The following LRRC7 variants were observed in gnomAD, a reference collection of about 807,000 sequenced individuals.
LRRC7 encodes the protein leucine rich repeat containing 7, also known as leucine-rich repeat-containing protein 7.
A neutral mutation model predicts 175.7 loss-of-function variants in LRRC7; 23 were observed. The observed-to-expected ratio is 0.13, with a 90% confidence interval of 0.09 to 0.19. The LOEUF (loss-of-function observed/expected upper bound fraction) is 0.19. Among genes scored for constraint, LRRC7 ranks in the 10% least tolerant of loss-of-function variants. LRRC7 has a pLI of 1.00. For synonymous variants in LRRC7, 685 were observed against 680.9 expected, an observed-to-expected ratio of 1.01 and a Z score of -0.09; for missense variants, 1,354 against 1,904.7, an observed-to-expected ratio of 0.71 and a Z score of 5.38.
chr1:70,120,218 T>C (rs966558954), intron 26 of LRRC7, among the ~76,000 whole-genome samples: 2 of 152,130 alleles, frequency 1.3e-5, no homozygotes, highest in Admixed American at 6.5e-5. Context: ...CCCAAACTTC[T>C]ACTCAACTAC....
chr1:70,103,086 A>T (rs1354095341), intron 25 of LRRC7, among the ~76,000 whole-genome samples: 4 of 151,992 alleles, frequency 2.6e-5, no homozygotes, highest in Non-Finnish European at 5.9e-5. Context: ...AAAATTAGCC[A>T]GGTGTGGTAG....
intron 26 of LRRC7, among the ~76,000 whole-genome samples, chr1:70,109,011 G>GTTTTGT (rs200462801): frequency 3.5e-4 from 51 of 147,726 alleles, no homozygotes; most frequent in Admixed American, 2.4e-3. Flanking sequence ...TGTTGTTGTT[G>GTTTTGT]TTTTGTTTTT....
intron 25 of LRRC7, among the ~76,000 whole-genome samples, chr1:70,098,890 G>C (rs1251777383): frequency 1.3e-3 from 205 of 152,100 alleles, no homozygotes; most frequent in African/African-American, 4.7e-3. Context: ...TCTACCAGAG[G>C]TACACGGAGG....
At chr1:69,734,272 C>T (rs2100829153) in intron 2 of LRRC7, among the ~76,000 whole-genome samples, 1 of 152,002 alleles carries the variant, frequency 6.6e-6, no homozygotes, top group East Asian at 1.9e-4. Flanking sequence ...TATCTGAACA[C>T]CCTTTCACAC....
chr1:69,609,867 G>C (rs1648419344), intron 1 of LRRC7, among the ~76,000 whole-genome samples: 1 of 151,948 alleles, frequency 6.6e-6, no homozygotes, highest in Admixed American at 6.6e-5. Flanking sequence ...CATACAACCG[G>C]CATTTTATAA....
At chr1:69,702,968 G>A (rs1242949331) in intron 2 of LRRC7, among the ~76,000 whole-genome samples, 2 of 151,982 alleles carry the variant, frequency 1.3e-5, no homozygotes, top group South Asian at 4.2e-4. Context: ...ATCAATTGCA[G>A]TGTTTATTAC....
intron 1 of LRRC7, among the ~76,000 whole-genome samples, chr1:69,663,212 TGTGA>T (rs749264773): frequency 2.6e-5 from 4 of 152,198 alleles, no homozygotes; most frequent in Non-Finnish European, 5.9e-5. Context: ...CCTACAGAAA[TGTGA>T]GTCATATGTA....
chr1:69,692,058 G>A (rs918785969), intron 2 of LRRC7, among the ~76,000 whole-genome samples: 1 of 152,106 alleles, frequency 6.6e-6, no homozygotes, highest in African/African-American at 2.4e-5. Context: ...CAACTATGGG[G>A]TTTTTCATAA....
intron 8 of LRRC7, among the ~76,000 whole-genome samples, chr1:69,974,397 C>G (rs1402838981): frequency 6.6e-6 from 1 of 152,106 alleles, no homozygotes; most frequent in African/African-American, 2.4e-5. Context: ...GTGTGAGATT[C>G]ATATTTGAAA....
intron 1 of LRRC7, among the ~76,000 whole-genome samples, chr1:69,639,158 G>A (rs778259994): frequency 8.6e-5 from 13 of 151,722 alleles, no homozygotes; most frequent in Non-Finnish European, 1.8e-4. Flanking sequence ...AGTTTATTAA[G>A]TAACAGATCC....
intron 8 of LRRC7, among the ~76,000 whole-genome samples, chr1:69,977,326 A>C (rs1012994698): frequency 2.6e-5 from 4 of 152,184 alleles, no homozygotes; most frequent in Non-Finnish European, 5.9e-5. Context: ...AAAATATTTT[A>C]ATTATGCTCC....
intron 2 of LRRC7, among the ~76,000 whole-genome samples, chr1:69,718,172 G>GAAAGAAAGAAAGAAAGAAAGAA (rs762929332): frequency 7.0e-6 from 1 of 142,892 alleles, no homozygotes; most frequent in Non-Finnish European, 1.5e-5. Context: ...AAGAAAGAAA[G>GAAAGAAAGAAAGAAAGAAAGAA]AAGAAAAGAA....
intron 2 of LRRC7, among the ~76,000 whole-genome samples, chr1:69,757,546 A>G (rs1670564925): frequency 6.6e-6 from 1 of 152,000 alleles, no homozygotes; most frequent in Non-Finnish European, 1.5e-5. Flanking sequence ...AAGAAATACA[A>G]AAGATGACTA....
At chr1:69,663,890 T>G (rs1657889897) in intron 1 of LRRC7, among the ~76,000 whole-genome samples, 1 of 151,052 alleles carries the variant, frequency 6.6e-6, no homozygotes, top group Non-Finnish European at 1.5e-5. Flanking sequence ...CCCGGCTAAT[T>G]TTTTGTATTT....
chr1:69,715,742 G>A (rs369349196), intron 2 of LRRC7, among the ~76,000 whole-genome samples: 2 of 151,766 alleles, frequency 1.3e-5, no homozygotes, highest in East Asian at 3.9e-4. Context: ...TAACCTGTAT[G>A]AATCTAAATT....
intron 2 of LRRC7, among the ~76,000 whole-genome samples, chr1:69,678,769 T>A (rs1660117746): frequency 6.6e-6 from 1 of 152,126 alleles, no homozygotes; most frequent in South Asian, 2.1e-4. Context: ...TCTTGTATAT[T>A]TATACCATGC....
At chr1:69,818,927 AC>A (rs1678909962) in intron 4 of LRRC7, among the ~76,000 whole-genome samples, 1 of 152,014 alleles carries the variant, frequency 6.6e-6, no homozygotes, top group Non-Finnish European at 1.5e-5. Flanking sequence ...ATCTGTAGTA[AC>A]AGTTGTAGTG....
chr1:69,954,265 G>C (rs974991402), intron 8 of LRRC7, among the ~76,000 whole-genome samples: 1 of 152,022 alleles, frequency 6.6e-6, no homozygotes, highest in Non-Finnish European at 1.5e-5. Context: ...CGTGCTGTGG[G>C]TTGATGATTA....
chr1:69,973,717 C>T (rs1055217107), intron 8 of LRRC7, among the ~76,000 whole-genome samples: 3 of 152,138 alleles, frequency 2.0e-5, no homozygotes, highest in African/African-American at 7.2e-5. Context: ...TCCCCAGTAG[C>T]TGGGATTACA....
Sources: gnomAD v4.1 joint callset for allele counts (sites outside exome capture counted in the v4.1 genomes callset) on GRCh38, gnomAD v4.1.1 for gene constraint, MANE v1.5 for transcripts, NCBI Gene and HGNC (gene_info 2026-07-23, HGNC 2026-07-21) for gene names.